The following CEP63 variants were observed in gnomAD, a reference collection of about 807,000 sequenced individuals.
CEP63 encodes centrosomal protein of 63 kDa.
CEP63 carries 84 observed loss-of-function variants against 89.1 expected under a neutral mutation model. The observed-to-expected ratio is 0.94, with a 90% CI of 0.79 to 1.13. CEP63 has a LOEUF of 1.13. Among genes scored for constraint, CEP63 ranks in the 50% most tolerant of loss-of-function variants. The pLI, the probability that CEP63 is intolerant of heterozygous loss-of-function variation, is 0.00. For missense variants in CEP63, 838 were observed against 813.3 expected, an observed-to-expected ratio of 1.03 and a Z score of -0.37; for synonymous variants, 267 against 272.5, an observed-to-expected ratio of 0.98 and a Z score of 0.20.
At chr3:134,514,875 G>T (rs1945861531) in intron 3 of CEP63, among the ~76,000 whole-genome samples, 1 of 152,166 alleles carries the variant, frequency 6.6e-6, no homozygotes, top group African/African-American at 2.4e-5. Flanking sequence ...AAATCTAAAT[G>T]AATATTGATT....
At chr3:134,489,125 C>T (rs1159490646) in intron 1 of CEP63, among the ~76,000 whole-genome samples, 1 of 147,854 alleles carries the variant, frequency 6.8e-6, no homozygotes, top group Non-Finnish European at 1.5e-5. Flanking sequence ...CACGCCACTG[C>T]ACTCCAGCCT....
At chr3:134,604,109 C>A in the CEP63 span, 1 of 1,611,508 alleles carries the variant, frequency 6.2e-7, no homozygotes, top group Non-Finnish European at 8.5e-7. Context: ...CCCTCCTCCA[C>A]GCTGAAGCTG....
chr3:134,701,423 CGTATATATGT>C, the CEP63 span, among the ~76,000 whole-genome samples: 228 of 88,230 alleles, frequency 2.6e-3, 13 homozygotes, highest in African/African-American at 9.3e-3. Flanking sequence ...CATATATATA[CGTATATATGT>C]GTATATATAC....
At chr3:134,719,418 A>G in the CEP63 span, among the ~76,000 whole-genome samples, 2 of 152,190 alleles carry the variant, frequency 1.3e-5, no homozygotes. Context: ...TTCCTAGGAT[A>G]TAGATTATTT....
chr3:134,547,731 T>G (rs1401402517), intron 9 of CEP63, among the ~76,000 whole-genome samples: 1 of 151,310 alleles, frequency 6.6e-6, no homozygotes, highest in South Asian at 2.1e-4. Flanking sequence ...TGCCCCAGCC[T>G]CCTGAGTAGC....
At chr3:134,492,070 CTTTT>C (rs74269453) in intron 1 of CEP63, among the ~76,000 whole-genome samples, 4 of 103,674 alleles carry the variant, frequency 3.9e-5, no homozygotes, top group East Asian at 2.8e-4. Flanking sequence ...TATTTGTATT[CTTTT>C]TTTTTTTTTT....
chr3:134,714,616 C>A, the CEP63 span, among the ~76,000 whole-genome samples: 1 of 152,332 alleles, frequency 6.6e-6, no homozygotes, highest in East Asian at 1.9e-4. Context: ...TTTCTTGATA[C>A]TCATCTGTCA....
At position 134,561,463 on chromosome 3, in the gene CEP63, C is replaced by G; in HGVS notation, c.2040C>G (p.Arg680=). The G allele has an allele frequency of 6.2e-7, 1 of 1,613,900 alleles. No individual in the cohort carries two copies. The highest frequency in any genetic ancestry group is 1.3e-5 in the African/African-American group (1 of 75,010). The change falls in exon 15 of 15, where the codon CGC becomes CGG. Residue 680 remains arginine, a synonymous_variant. Transcript: ENST00000675561. The part of the protein sequence containing the change: ...EELRSHHILE[R]LDAHIEELKR... ...TGAGGTCTCATCACATTCTAGAGCG[C>G]TTGGATGCCCATATTGAAGAACTAA...
At position 134,558,268 on chromosome 3, in the gene CEP63, C is replaced by T. The variant is rs139840553; in HGVS notation, c.1594C>T (p.Gln532Ter). ...CAAATCTCAGCTGGAGATTTCTACTCAGATGTGCAAAAAACAAAATGACAG... is the reference window on the plus strand; with the variant it reads ...CAAATCTCAGCTGGAGATTTCTACTTAGATGTGCAAAAAACAAAATGACAG... ...NTKSQLEIST[Q>*]MCKKQNDRIF... Residue 532 changes from glutamine to a stop codon, truncating the protein, a stop_gained, in exon 13 of 15, where the codon CAG becomes TAG. Coordinates refer to ENST00000675561, the MANE Select transcript of CEP63 (RefSeq NM_001353108.3). LOFTEE classifies it high-confidence loss of function. 6.2e-7 allele frequency: 1 copy of T among 1,613,686 alleles called. No individual in the cohort carries two copies. The highest frequency in any genetic ancestry group is 1.3e-5 in the African/African-American group (1 of 75,030).
intron 10 of CEP63, among the ~76,000 whole-genome samples, chr3:134,584,128 A>G (rs1251887436): frequency 6.6e-6 from 1 of 152,166 alleles, no homozygotes; most frequent in Non-Finnish European, 1.5e-5. Flanking sequence ...GCAAACAGGG[A>G]CAATTTGACT....
chr3:134,652,394 G>A, the CEP63 span, among the ~76,000 whole-genome samples: 1 of 152,080 alleles, frequency 6.6e-6, no homozygotes, highest in African/African-American at 2.4e-5. Flanking sequence ...AATAACAGTG[G>A]CTCAGAGTTT....
chr3:134,495,689 A>C (rs1939589680), intron 2 of CEP63, among the ~76,000 whole-genome samples: 1 of 152,144 alleles, frequency 6.6e-6, no homozygotes. Context: ...TTACTCTTCT[A>C]CCTAACTGTA....
chr3:134,500,977 T>TA (rs36072137), intron 2 of CEP63, among the ~76,000 whole-genome samples: 100,199 of 152,056 alleles, frequency 0.66, 33,409 homozygotes, highest in East Asian at 0.81. Flanking sequence ...TTTGAGATCT[T>TA]ACATTTAAAT....
At chr3:134,614,721 A>G in the CEP63 span, among the ~76,000 whole-genome samples, 1 of 152,106 alleles carries the variant, frequency 6.6e-6, no homozygotes, top group Admixed American at 6.5e-5. Context: ...TAGTGTATTA[A>G]TTTGGTATTA....
intron 12 of CEP63, among the ~76,000 whole-genome samples, chr3:134,557,341 T>A (rs1956372263): frequency 6.7e-6 from 1 of 150,238 alleles, no homozygotes; most frequent in Admixed American, 6.6e-5. Context: ...ATTATGTTTG[T>A]CAGACCACTC....
the CEP63 span, among the ~76,000 whole-genome samples, chr3:134,649,012 G>A: frequency 2.0e-5 from 3 of 152,126 alleles, no homozygotes; most frequent in East Asian, 1.9e-4. Context: ...GCTGTTTTTC[G>A]AGGAAAGGGT....
At chr3:134,638,958 A>C in the CEP63 span, among the ~76,000 whole-genome samples, 1 of 150,460 alleles carries the variant, frequency 6.6e-6, no homozygotes, top group Non-Finnish European at 1.5e-5. Context: ...ATGTGTGTGG[A>C]GGGGTCATGG....
At chr3:134,775,123 T>C in the CEP63 span, among the ~76,000 whole-genome samples, 43 of 152,292 alleles carry the variant, frequency 2.8e-4, no homozygotes, top group African/African-American at 1.0e-3. Context: ...TCTTCTTCCT[T>C]ATCTCACTTC....
the CEP63 span, among the ~76,000 whole-genome samples, chr3:134,622,759 GA>G: frequency 6.6e-6 from 1 of 152,190 alleles, no homozygotes; most frequent in African/African-American, 2.4e-5. Context: ...GAGGTTGCTG[GA>G]AAGATGGCTC....
Sources: allele counts gnomAD v4.1 joint callset (sites outside exome capture counted in the v4.1 genomes callset), GRCh38; gene constraint gnomAD v4.1.1; transcripts MANE v1.5; gene names NCBI Gene and HGNC (gene_info 2026-07-23, HGNC 2026-07-21).